Variants in MIB1 observed in about 807,000 individuals in gnomAD.
The protein encoded by MIB1 is MIB E3 ubiquitin protein ligase 1, also known as E3 ubiquitin-protein ligase MIB1.
MIB1 carries 278 observed loss-of-function variants against 124.5 expected under a neutral mutation model. That is an observed-to-expected ratio of 2.23 (90% confidence interval 2.02 to 2.47). MIB1 has a LOEUF of 2.47. Among genes scored for constraint, MIB1 ranks in the 30% most tolerant of loss-of-function variants. The pLI is 0.00. For missense variants in MIB1, 957 were observed against 1,254.4 expected, an observed-to-expected ratio of 0.76 and a Z score of 3.58; for synonymous variants, 446 against 429.4, an observed-to-expected ratio of 1.04 and a Z score of -0.48.
chr18:21,758,741 G>A (rs1387999597), intron 1 of MIB1, among the ~76,000 whole-genome samples: 1 of 152,088 alleles, frequency 6.6e-6, no homozygotes, highest in East Asian at 1.9e-4. Flanking sequence ...CACTATGTTG[G>A]CCAGACTGGT....
chr18:21,824,409 A>T (rs573044892), intron 12 of MIB1, among the ~76,000 whole-genome samples: 82 of 152,274 alleles, frequency 5.4e-4, no homozygotes, highest in African/African-American at 1.9e-3. Context: ...CTATTTGAAG[A>T]TTTGATAAGC....
Position 21,866,421 on chromosome 18 carries a change from T to C in MIB1, c.*1755T>C, listed in dbSNP as rs971368549. 3.9e-5 allele frequency: 6 copies of C among 152,196 alleles called. No homozygotes were observed. Among genetic ancestry groups the C allele is most frequent in the African/African-American group, 1.4e-4 (6 of 41,460 alleles). The allele number at this position is 152,196 out of a possible 1,614,324, so 9.4% of individuals were successfully genotyped here. On this transcript the variant is annotated 3_prime_UTR_variant, in exon 21 of 21. Transcript: ENST00000261537. The stretch of plus-strand genomic sequence containing the variant: ...CACCGACGCTGTTTTTAAAACTATT[T>C]TGAAGTTATAAAAAGGTAGAACATC...
chr18:21,861,686 G>T (rs969959307), intron 20 of MIB1, among the ~76,000 whole-genome samples: 1 of 149,292 alleles, frequency 6.7e-6, no homozygotes, highest in Non-Finnish European at 1.5e-5. Flanking sequence ...GAAAACATTC[G>T]AATAACTCTG....
intron 4 of MIB1, among the ~76,000 whole-genome samples, chr18:21,774,968 C>G (rs1038116021): frequency 9.8e-6 from 1 of 101,928 alleles, no homozygotes; most frequent in African/African-American, 5.5e-5. Context: ...TTTTTTGAGA[C>G]ACAGTCTCGC....
chr18:21,736,088 C>A (rs149612542), upstream of MIB1, among the ~76,000 whole-genome samples: 2,607 of 152,332 alleles, frequency 0.017, 69 homozygotes, highest in African/African-American at 0.055. Flanking sequence ...CAGGGAGACA[C>A]CTCCCAGTAG....
At chr18:21,818,394 T>C (rs939771112) in intron 11 of MIB1, among the ~76,000 whole-genome samples, 1 of 152,220 alleles carries the variant, frequency 6.6e-6, no homozygotes, top group Admixed American at 6.5e-5. Context: ...TTTCAGGGTA[T>C]GACAATTAAG....
chr18:21,784,761 T>G (rs1266186441), intron 6 of MIB1, among the ~76,000 whole-genome samples: 2 of 152,118 alleles, frequency 1.3e-5, no homozygotes, highest in African/African-American at 2.4e-5. Flanking sequence ...GTTGGTCTAG[T>G]GGTAACGCCA....
At chr18:21,775,593 C>G (rs1025536852) in intron 4 of MIB1, among the ~76,000 whole-genome samples, 6 of 152,170 alleles carry the variant, frequency 3.9e-5, no homozygotes, top group Non-Finnish European at 7.3e-5. Context: ...TAAACAAATA[C>G]TTTAGTTGCC....
intron 4 of MIB1, among the ~76,000 whole-genome samples, chr18:21,775,605 A>G (rs973970373): frequency 3.3e-5 from 5 of 152,126 alleles, no homozygotes; most frequent in Non-Finnish European, 4.4e-5. Context: ...TTAGTTGCCA[A>G]TTTTTATTAT....
intron 1 of MIB1, among the ~76,000 whole-genome samples, chr18:21,752,831 A>G (rs1266776181): frequency 6.6e-6 from 1 of 152,252 alleles, no homozygotes; most frequent in Non-Finnish European, 1.5e-5. Context: ...AAAGATATGT[A>G]TGAAGAAATT....
At chr18:21,852,311 G>T (rs1172080794) in intron 17 of MIB1, among the ~76,000 whole-genome samples, 1 of 152,200 alleles carries the variant, frequency 6.6e-6, no homozygotes, top group Non-Finnish European at 1.5e-5. Context: ...GAGAAAGAGA[G>T]AGAGCACACG....
At chr18:21,855,428 A>G (rs1365851988) in intron 18 of MIB1, among the ~76,000 whole-genome samples, 1 of 152,268 alleles carries the variant, frequency 6.6e-6, no homozygotes, top group Non-Finnish European at 1.5e-5. Context: ...TAGAAACAAT[A>G]CAATAACTGA....
intron 11 of MIB1, among the ~76,000 whole-genome samples, chr18:21,817,094 G>T (rs905729054): frequency 1.2e-4 from 18 of 150,730 alleles, no homozygotes; most frequent in African/African-American, 4.4e-4. Flanking sequence ...TTTTAGTGCC[G>T]CCAGATACAG....
Position 21,830,204 on chromosome 18 carries a change from T to C in MIB1, c.1830-8161T>C, listed in dbSNP as rs182613835. Reference sequence around the variant, plus strand: ...ACACCATGCACGTTCTGATTTATTTTTGTGGCCAATTATTAGTAAGCATTA... The same window carrying C: ...ACACCATGCACGTTCTGATTTATTTCTGTGGCCAATTATTAGTAAGCATTA... On this transcript the variant is annotated intron_variant, in intron 12 of 20. Transcript: ENST00000261537. Among the ~76,000 whole-genome samples, 348 of 152,276 alleles carry C rather than the reference T, an allele frequency of 2.3e-3. 1 individual carries two copies. Among genetic ancestry groups the C allele is most frequent in the Non-Finnish European group, 3.4e-3 (231 of 67,998 alleles).
chr18:21,834,351 C>A (rs574230999), intron 12 of MIB1, among the ~76,000 whole-genome samples: 1 of 152,140 alleles, frequency 6.6e-6, no homozygotes, highest in East Asian at 1.9e-4. Flanking sequence ...GATGAGAGGG[C>A]TGTAGGTCTC....
chr18:21,837,627 T>G (rs1280304495), intron 12 of MIB1, among the ~76,000 whole-genome samples: 1 of 152,242 alleles, frequency 6.6e-6, no homozygotes, highest in Non-Finnish European at 1.5e-5. Flanking sequence ...AGTTCTGCTC[T>G]TCGGTGGTTG....
intron 11 of MIB1, among the ~76,000 whole-genome samples, chr18:21,818,946 A>G (rs1328284666): frequency 2.0e-5 from 3 of 152,180 alleles, no homozygotes; most frequent in African/African-American, 4.8e-5. Context: ...AAAAAAAGAA[A>G]AAAAAATTCC....
intron 1 of MIB1, among the ~76,000 whole-genome samples, chr18:21,758,433 G>A (rs548036934): frequency 7.9e-5 from 12 of 152,064 alleles, no homozygotes; most frequent in Non-Finnish European, 1.8e-4. Context: ...TTTGATTTGC[G>A]GTTAAAGTTG....
chr18:21,822,403 G>A (rs1178877638), intron 12 of MIB1, among the ~76,000 whole-genome samples: 1 of 152,002 alleles, frequency 6.6e-6, no homozygotes, highest in Non-Finnish European at 1.5e-5. Flanking sequence ...AATCTTGAGG[G>A]TTCCCCTGAA....
Sources: allele counts gnomAD v4.1 joint callset (sites outside exome capture counted in the v4.1 genomes callset), GRCh38; gene constraint gnomAD v4.1.1; transcripts MANE v1.5; gene names NCBI Gene and HGNC (gene_info 2026-07-23, HGNC 2026-07-21).